The following TSNARE1 variants were observed in gnomAD, a reference collection of about 807,000 sequenced individuals.
TSNARE1 encodes the protein t-SNARE domain-containing protein 1.
A neutral mutation model predicts 62.0 loss-of-function variants in TSNARE1; 49 were observed. The observed-to-expected ratio is 0.79, with a 90% confidence interval of 0.63 to 1.00. TSNARE1 has a LOEUF of 1.00. TSNARE1 is among the 50% of genes least tolerant of loss of function. The pLI is 0.00. For synonymous variants in TSNARE1, 328 were observed against 294.4 expected, an observed-to-expected ratio of 1.11 and a Z score of -1.17; for missense variants, 755 against 700.1, an observed-to-expected ratio of 1.08 and a Z score of -0.88.
chr8:142,267,897 C>G (rs1819224879), intron 12 of TSNARE1, among the ~76,000 whole-genome samples: 4 of 152,182 alleles, frequency 2.6e-5, no homozygotes. Flanking sequence ...CAAGGTCTTC[C>G]CGGGTGCCTC....
intron 12 of TSNARE1, chr8:142,273,331 G>C: frequency 1.0e-6 from 1 of 985,430 alleles, no homozygotes; most frequent in Non-Finnish European, 1.2e-6. Context: ...GGCCTTCTGC[G>C]TGGTGTGGCC....
At chr8:142,296,265 T>C (rs1472238373) in intron 10 of TSNARE1, among the ~76,000 whole-genome samples, 2 of 22,774 alleles carry the variant, frequency 8.8e-5, no homozygotes, top group African/African-American at 4.3e-4. Flanking sequence ...GTCACCGTCA[T>C]GGGGGAGGGG....
chr8:142,251,000 C>A (rs1052240999), intron 12 of TSNARE1, among the ~76,000 whole-genome samples: 2 of 152,188 alleles, frequency 1.3e-5, no homozygotes, highest in South Asian at 4.1e-4. Flanking sequence ...CAGGGAGCAG[C>A]GGGCTGTCAT....
chr8:142,305,904 C>T (rs949605765), intron 9 of TSNARE1, among the ~76,000 whole-genome samples: 5 of 152,194 alleles, frequency 3.3e-5, no homozygotes, highest in African/African-American at 7.2e-5. Flanking sequence ...AGGGCACACA[C>T]GGTTTCCCGT....
At chr8:142,226,610 C>T (rs1448417215) in intron 13 of TSNARE1, among the ~76,000 whole-genome samples, 1 of 152,178 alleles carries the variant, frequency 6.6e-6, no homozygotes, top group African/African-American at 2.4e-5. Flanking sequence ...CTCAGCCCCA[C>T]TCCTCTGGCT....
intron 1 of TSNARE1, among the ~76,000 whole-genome samples, chr8:142,381,288 C>A (rs1265497073): frequency 1.3e-5 from 2 of 152,240 alleles, no homozygotes; most frequent in Non-Finnish European, 2.9e-5. Flanking sequence ...TCAGCCACCT[C>A]CATATGGCCA....
intron 6 of TSNARE1, among the ~76,000 whole-genome samples, chr8:142,329,405 G>A (rs537516725): frequency 5.3e-5 from 8 of 152,292 alleles, no homozygotes; most frequent in Admixed American, 2.6e-4. Context: ...CAGGCCGGGC[G>A]GCCCAGGATG....
chr8:142,328,728 T>C lies in TSNARE1; in HGVS notation c.893+2173A>G, dbSNP rs148603447. On this transcript the variant is annotated intron_variant, in intron 6 of 13. Transcript: ENST00000524325. Reference sequence around the variant, plus strand: ...GAAGGGAATAGAGCCCAGACAGAAGTGCGTGAGCTGAGCTGCCACTGAGCC... The same window carrying C: ...GAAGGGAATAGAGCCCAGACAGAAGCGCGTGAGCTGAGCTGCCACTGAGCC... Among the ~76,000 whole-genome samples the C allele has an allele frequency of 3.3e-5, 5 of 149,514 alleles. 1 individual carries two copies. The highest frequency in any genetic ancestry group is 7.4e-5 in the Non-Finnish European group (5 of 67,742).
Position 142,392,748 on chromosome 8 carries a change from C to T in TSNARE1, c.-40+10356G>A, listed in dbSNP as rs148289813. On this transcript the variant is annotated intron_variant, in intron 1 of 13. Transcript: ENST00000524325. The stretch of plus-strand genomic sequence containing the variant: ...TCGGGAGTTTGAGTTTGAGACCACG[C>T]GGGCCAACATGGCGAAACCCCGTCT... Among the ~76,000 whole-genome samples, 787 of 152,114 alleles carry T rather than the reference C, an allele frequency of 5.2e-3. 5 individuals carry two copies. The highest frequency in any genetic ancestry group is 0.018 in the African/African-American group (732 of 41,488).
At chr8:142,368,994 C>CAA (rs1835747387) in intron 1 of TSNARE1, among the ~76,000 whole-genome samples, 2 of 152,204 alleles carry the variant, frequency 1.3e-5, no homozygotes, top group Non-Finnish European at 2.9e-5. Flanking sequence ...GTTTGACTGT[C>CAA]GCAGGGAGAG....
chr8:142,313,927 C>A (rs1353612031), intron 9 of TSNARE1, among the ~76,000 whole-genome samples: 1 of 152,162 alleles, frequency 6.6e-6, no homozygotes, highest in African/African-American at 2.4e-5. Context: ...GACAGGTGCT[C>A]GCCACCACGC....
chr8:142,375,926 G>A (rs1054082818), intron 1 of TSNARE1, among the ~76,000 whole-genome samples: 1 of 152,182 alleles, frequency 6.6e-6, no homozygotes, highest in Non-Finnish European at 1.5e-5. Flanking sequence ...GAAGAGGGTG[G>A]GCAAAAGCAG....
intron 10 of TSNARE1, among the ~76,000 whole-genome samples, chr8:142,295,017 G>T (rs1381247972): frequency 6.6e-6 from 1 of 152,200 alleles, no homozygotes; most frequent in Non-Finnish European, 1.5e-5. Flanking sequence ...GCCCGGACCA[G>T]CACCAGGGGC....
intron 12 of TSNARE1, among the ~76,000 whole-genome samples, chr8:142,259,823 T>A (rs1818767950): frequency 6.6e-6 from 1 of 152,100 alleles, no homozygotes; most frequent in Non-Finnish European, 1.5e-5. Context: ...AACTAAGGGG[T>A]TCTGGAAGGA....
At chr8:142,331,946 T>A in intron 4 of TSNARE1, 115 bp from the exon 5 acceptor site, 2 of 1,039,920 alleles carry the variant, frequency 1.9e-6, no homozygotes, top group Non-Finnish European at 2.9e-6. Flanking sequence ...GGCAGCAGAG[T>A]GGCCCTGAAC....
intron 12 of TSNARE1, among the ~76,000 whole-genome samples, chr8:142,266,075 C>A (rs1253346102): frequency 1.3e-5 from 2 of 152,146 alleles, no homozygotes; most frequent in Non-Finnish European, 1.5e-5. Context: ...GATGAAGGAA[C>A]CCTTGAGCTT....
chr8:142,384,704 T>C (rs1034493001), intron 1 of TSNARE1, among the ~76,000 whole-genome samples: 1 of 152,126 alleles, frequency 6.6e-6, no homozygotes, highest in Non-Finnish European at 1.5e-5. Context: ...AGCCTAAAAG[T>C]AAAAGCTAAA....
intron 1 of TSNARE1, among the ~76,000 whole-genome samples, chr8:142,372,107 A>G (rs1428262282): frequency 6.6e-6 from 1 of 152,232 alleles, no homozygotes; most frequent in African/African-American, 2.4e-5. Flanking sequence ...CTTGGCAGAC[A>G]TTAACCTTGA....
At chr8:142,215,890 C>T (rs1251511714) in intron 13 of TSNARE1, among the ~76,000 whole-genome samples, 1 of 152,234 alleles carries the variant, frequency 6.6e-6, no homozygotes, top group Non-Finnish European at 1.5e-5. Context: ...CAACCCTCCG[C>T]CTGCACCCCA....
Sources: allele counts gnomAD v4.1 joint callset (sites outside exome capture counted in the v4.1 genomes callset), GRCh38; gene constraint gnomAD v4.1.1; transcripts MANE v1.5; gene names NCBI Gene and HGNC (gene_info 2026-07-23, HGNC 2026-07-21).